Variants in HYAL4 observed in about 807,000 individuals in gnomAD.
HYAL4 encodes hyaluronidase 4.
In HYAL4, 37 loss-of-function variants were observed where a neutral mutation model predicts 35.2. That is an observed-to-expected ratio of 1.05 (90% CI 0.81 to 1.38). The LOEUF (loss-of-function observed/expected upper bound fraction) is 1.38, where lower values mean the gene tolerates loss of function less well. Ranked by LOEUF, HYAL4 falls within the 40% of genes most tolerant of loss-of-function variation. HYAL4 has a pLI of 0.00. For synonymous variants in HYAL4, 198 were observed against 203.2 expected, an observed-to-expected ratio of 0.97 and a Z score of 0.22; for missense variants, 572 against 572.4, an observed-to-expected ratio of 1.00 and a Z score of 0.01.
At chr7:123,832,634 G>T (rs1294249599) in intron 1 of HYAL4, among the ~76,000 whole-genome samples, 1 of 150,884 alleles carries the variant, frequency 6.6e-6, no homozygotes, top group Non-Finnish European at 1.5e-5. Context: ...CGAATAACTG[G>T]GACTACAGGT....
rs778535471 is a variant in HYAL4, at chr7:123,868,235, G to A, written c.-39G>A. ...AATCTCTCCACAGGTCTTCTAGAGTGCACTAAAGCAGAAGATAACGTAACA... is the reference window on the plus strand; with the variant it reads ...AATCTCTCCACAGGTCTTCTAGAGTACACTAAAGCAGAAGATAACGTAACA... On this transcript the variant is annotated 5_prime_UTR_variant, in exon 3 of 5. Coordinates refer to ENST00000223026, the MANE Select transcript of HYAL4 (RefSeq NM_012269.3). The A allele has an allele frequency of 1.7e-6, 2 of 1,157,836 alleles. No individual in the cohort carries two copies. Among genetic ancestry groups the A allele is most frequent in the South Asian group, 1.6e-5 (1 of 61,556 alleles). The allele number at this position is 1,157,836 out of a possible 1,614,324, so 71.7% of individuals were successfully genotyped here.
chr7:123,841,681 G>T (rs940620077), upstream of HYAL4, among the ~76,000 whole-genome samples: 1 of 151,874 alleles, frequency 6.6e-6, no homozygotes, highest in African/African-American at 2.4e-5. Context: ...GCCTGTTATT[G>T]GTCTATTCAG....
At position 123,868,417 on chromosome 7, in the gene HYAL4, T is replaced by C. The variant is rs375081565; in HGVS notation, c.144T>C (p.Phe48=). 2 of 1,612,996 alleles carry C rather than the reference T, an allele frequency of 1.2e-6. No homozygotes were observed. The highest frequency in any genetic ancestry group is 1.3e-5 in the African/African-American group (1 of 74,964). Residue 48 remains phenylalanine (F), a synonymous_variant, in exon 3 of 5, where the codon TTT becomes TTC. Coordinates refer to ENST00000223026, the MANE Select transcript of HYAL4 (RefSeq NM_012269.3). ...TTCCAATTTATCAAAGGAAACCTTTTATAGCTGCTTGGAATGCTCCAACAG... is the reference window on the plus strand; with the variant it reads ...TTCCAATTTATCAAAGGAAACCTTTCATAGCTGCTTGGAATGCTCCAACAG... ...ARLPIYQRKP[F]IAAWNAPTDQ... is the part of the protein sequence containing the mutation.
chr7:123,800,822 A>ATT, the HYAL4 span, among the ~76,000 whole-genome samples: 8 of 148,838 alleles, frequency 5.4e-5, no homozygotes, highest in South Asian at 2.1e-4. Context: ...ACGCTGGCTA[A>ATT]TTTTTTTTTT....
the HYAL4 span, among the ~76,000 whole-genome samples, chr7:123,788,004 A>T: frequency 6.6e-6 from 1 of 152,114 alleles, no homozygotes; most frequent in African/African-American, 2.4e-5. Context: ...TCAACATAGT[A>T]CATGTTATCA....
At chr7:123,870,729 C>T (rs1806855930) in intron 3 of HYAL4, among the ~76,000 whole-genome samples, 1 of 148,030 alleles carries the variant, frequency 6.8e-6, no homozygotes, top group African/African-American at 2.5e-5. Context: ...CACTGCACTC[C>T]AGCCTGGGCG....
intron 1 of HYAL4, among the ~76,000 whole-genome samples, chr7:123,832,295 T>C (rs920750258): frequency 6.6e-6 from 1 of 151,888 alleles, no homozygotes; most frequent in Non-Finnish European, 1.5e-5. Context: ...ATTTTTTTTA[T>C]TTCCATAGGT....
chr7:123,854,324 G>C (rs533027470), intron 2 of HYAL4, among the ~76,000 whole-genome samples: 1 of 152,056 alleles, frequency 6.6e-6, no homozygotes, highest in African/African-American at 2.4e-5. Flanking sequence ...TAGGGTGTCG[G>C]TTTTAGATCC....
chr7:123,775,971 G>A, the HYAL4 span, among the ~76,000 whole-genome samples: 1 of 152,098 alleles, frequency 6.6e-6, no homozygotes, highest in East Asian at 1.9e-4. Flanking sequence ...GAAAATCAGA[G>A]GAATTGGATT....
In HYAL4 at chr7:123,857,669, G is replaced by GTTTCTTTCTTTC. The variant is rs200221721; in HGVS notation, c.-52+9564_-52+9575dup. On this transcript the variant is annotated intron_variant, in intron 2 of 4. Coordinates refer to ENST00000223026, the MANE Select transcript of HYAL4 (RefSeq NM_012269.3). ...CCTTTCTTTGTTTCTTTCTTTGTTTGTTTCTTTCTTTCTTTCTTTCTTTCT... is the reference window on the plus strand; with the variant it reads ...CCTTTCTTTGTTTCTTTCTTTGTTTGTTTCTTTCTTTCTTTCTTTCTTTCTTTCTTTCTTTCT... Among the ~76,000 whole-genome samples the GTTTCTTTCTTTC allele has an allele frequency of 7.4e-3, 918 of 124,646 alleles. 2 individuals are homozygous for GTTTCTTTCTTTC. The highest frequency in any genetic ancestry group is 0.018 in the East Asian group (80 of 4,328). The allele number at this position is 124,646 out of a possible 152,430, so 81.8% of individuals were successfully genotyped here. A position where few individuals can be genotyped will look rare whatever the true frequency, so the allele number is the denominator to read the frequency against.
At chr7:123,859,942 G>A (rs1468862004) in intron 2 of HYAL4, among the ~76,000 whole-genome samples, 2 of 152,124 alleles carry the variant, frequency 1.3e-5, no homozygotes, top group African/African-American at 4.8e-5. Flanking sequence ...CTCCTGATAT[G>A]GTTTGGCTCT....
the HYAL4 span, among the ~76,000 whole-genome samples, chr7:123,807,604 C>T: frequency 6.6e-6 from 1 of 151,594 alleles, no homozygotes; most frequent in African/African-American, 2.4e-5. Context: ...CCACGCCTGG[C>T]TAATTTTTGT....
At position 123,877,314 on chromosome 7, in the gene HYAL4, G is replaced by T. The variant is rs566381414; in HGVS notation, c.*159G>T. 118 of 732,982 alleles carry T rather than the reference G, an allele frequency of 1.6e-4. No homozygotes were observed. The highest frequency in any genetic ancestry group is 3.7e-4 in the Admixed American group (12 of 32,362). The allele number at this position is 732,982 out of a possible 1,614,324, so 45.4% of individuals were successfully genotyped here. On this transcript the variant is annotated 3_prime_UTR_variant, in exon 5 of 5. Coordinates refer to ENST00000223026, the MANE Select transcript of HYAL4 (RefSeq NM_012269.3). Reference sequence around the variant, plus strand: ...CATAAACAGAAACATTATTTTATTTGCCTCCAGTCTGGCTAGGAAACCAGA... The same window carrying T: ...CATAAACAGAAACATTATTTTATTTTCCTCCAGTCTGGCTAGGAAACCAGA...
upstream of HYAL4, among the ~76,000 whole-genome samples, chr7:123,824,527 G>A (rs112711294): frequency 2.0e-5 from 3 of 152,026 alleles, no homozygotes; most frequent in African/African-American, 7.2e-5. Flanking sequence ...TACATGAAGC[G>A]CTGCTGCAAT....
At chr7:123,816,644 A>G in the HYAL4 span, among the ~76,000 whole-genome samples, 1 of 152,164 alleles carries the variant, frequency 6.6e-6, no homozygotes, top group Non-Finnish European at 1.5e-5. Context: ...TTGTGGGTAC[A>G]TTAGACTTTT....
At chr7:123,774,488 T>TA in the HYAL4 span, among the ~76,000 whole-genome samples, 1 of 152,252 alleles carries the variant, frequency 6.6e-6, no homozygotes, top group South Asian at 2.1e-4. Context: ...CAGCCTCTGT[T>TA]ACCATCCTAG....
the HYAL4 span, among the ~76,000 whole-genome samples, chr7:123,794,639 G>GT: frequency 2.6e-5 from 4 of 152,230 alleles, no homozygotes; most frequent in Admixed American, 6.5e-5. Flanking sequence ...CTTACATGTG[G>GT]TTTTGAGCCT....
At chr7:123,855,165 G>A (rs1257188779) in intron 2 of HYAL4, among the ~76,000 whole-genome samples, 1 of 152,120 alleles carries the variant, frequency 6.6e-6, no homozygotes, top group African/African-American at 2.4e-5. Context: ...CAATTTGCCA[G>A]GCTGTGTTTT....
At chr7:123,837,440 T>C (rs1171207359) in intron 1 of HYAL4, among the ~76,000 whole-genome samples, 1 of 152,174 alleles carries the variant, frequency 6.6e-6, no homozygotes, top group East Asian at 1.9e-4. Context: ...CATCTGTCTC[T>C]CAGGGAGCAA....
Sources: gnomAD v4.1 joint callset for allele counts (sites outside exome capture counted in the v4.1 genomes callset) on GRCh38, gnomAD v4.1.1 for gene constraint, MANE v1.5 for transcripts, NCBI Gene and HGNC (gene_info 2026-07-23, HGNC 2026-07-21) for gene names.